TGIF1: variants seen among roughly 807,000 people sequenced by gnomAD.
TGIF1 encodes TGFB induced factor homeobox 1.
TGIF1 carries 4 observed loss-of-function variants against 19.3 expected under a neutral mutation model. The observed-to-expected ratio is 0.21, with a 90% CI of 0.10 to 0.47. The LOEUF (loss-of-function observed/expected upper bound fraction) is 0.47. Among genes scored for constraint, TGIF1 ranks in the 20% least tolerant of loss-of-function variants. TGIF1 has a pLI of 0.98. For missense variants in TGIF1, 275 were observed against 341.4 expected (o/e 0.81, Z 1.53); for synonymous variants, 122 against 129.3 (o/e 0.94, Z 0.38).
rs1417898706 is a variant in TGIF1, at chr18:3,451,354, G to C, written c.16+849G>C. Reference sequence around the variant, plus strand: ...AAACAAAATACACCGGAGGGGGACGGGGGGTGGAGAAACCACACAAAACAC... The same window carrying C: ...AAACAAAATACACCGGAGGGGGACGCGGGGTGGAGAAACCACACAAAACAC... On this transcript the variant is annotated intron_variant, in intron 1 of 2. Transcript: ENST00000343820. This position sits in a 1 kb window ranked among gnomAD's most constrained non-coding sequence, Gnocchi z 5.4. 1 of 984,944 alleles carries C rather than the reference G, an allele frequency of 1.0e-6. No homozygotes were observed. Among genetic ancestry groups the C allele is most frequent in the East Asian group, 1.1e-4 (1 of 8,810 alleles). The allele number at this position is 984,944 out of a possible 1,614,324, so 61.0% of individuals were successfully genotyped here. A position where few individuals can be genotyped will look rare whatever the true frequency, so the allele number is the denominator to read the frequency against.
intron 1 of TGIF1, among the ~76,000 whole-genome samples, chr18:3,412,676 A>T (rs1382153135): frequency 6.6e-6 from 1 of 152,150 alleles, no homozygotes; most frequent in Non-Finnish European, 1.5e-5. Flanking sequence ...GACCTGGCAC[A>T]GGCTGTGGTT....
In TGIF1 at chr18:3,457,416, A is replaced by G; in HGVS notation, c.295A>G (p.Arg99Gly). The G allele has an allele frequency of 6.2e-7, 1 of 1,614,238 alleles. No homozygotes were observed. The highest frequency in any genetic ancestry group is 8.5e-7 in the Non-Finnish European group (1 of 1,180,046). The change falls in exon 3 of 3, where the codon AGA (arginine) becomes GGA (glycine). Residue 99 changes from arginine (R) to glycine (G), a missense_variant. Transcript: ENST00000343820. The surrounding 1 kb of genome is among the most constrained non-coding windows in gnomAD (Gnocchi z 4.9). ...ARRRLLPDML[R>G]KDGKDPNQFT... is the part of the protein sequence containing the mutation. ...CCGCAGGCTCCTCCCTGACATGCTG[A>G]GAAAGGATGGCAAAGATCCAAATCA...
chr18:3,417,326 A>T (rs2082345819), intron 1 of TGIF1, among the ~76,000 whole-genome samples: 1 of 151,414 alleles, frequency 6.6e-6, no homozygotes, highest in Non-Finnish European at 1.5e-5. Flanking sequence ...CGTCCGGCTA[A>T]TTTTTGTATT....
intron 2 of TGIF1, among the ~76,000 whole-genome samples, chr18:3,424,378 C>T (rs546039902): frequency 1.6e-4 from 25 of 152,038 alleles, no homozygotes; most frequent in Non-Finnish European, 7.4e-5. Flanking sequence ...TACTGTAATC[C>T]ATGGGTGGGA....
chr18:3,421,634 A>G (rs889208403), intron 2 of TGIF1, among the ~76,000 whole-genome samples: 1 of 151,108 alleles, frequency 6.6e-6, no homozygotes, highest in African/African-American at 2.4e-5. Flanking sequence ...CTGATCTCGA[A>G]CTCCCGACCT....
intron 1 of TGIF1, 61 bp downstream of exon 1, chr18:3,450,566 G>GGCCGC (rs1159592798): frequency 9.0e-6 from 14 of 1,549,898 alleles, no homozygotes; most frequent in East Asian, 4.9e-5. Flanking sequence ...GTGCTGGCCG[G>GGCCGC]GCCGCGCCGC....
chr18:3,439,924 G>A lies in TGIF1; in HGVS notation c.-44-16430G>A, dbSNP rs189548604. Among the ~76,000 whole-genome samples, 304 of 151,930 alleles carry A rather than the reference G, an allele frequency of 2.0e-3. 1 individual carries two copies. The highest frequency in any genetic ancestry group is 6.8e-3 in the African/African-American group (280 of 41,454). ...TGGTCCCAGCTATTAGGGAGGCTGA[G>A]GTGAGAGAATCACCTGAGCCCAGGA... On this transcript the variant is annotated intron_variant, in intron 2 of 3. Transcript: ENST00000401449.
At position 3,457,854 on chromosome 18, in the gene TGIF1, C is replaced by G; in HGVS notation, c.733C>G (p.Gln245Glu). ...TPPPTPPDLN[Q>E]DFSGFQLLVD... ...TCCCCCTACTCCACCGGACCTCAACCAGGACTTCAGTGGATTTCAGCTTCT... is the reference window on the plus strand; with the variant it reads ...TCCCCCTACTCCACCGGACCTCAACGAGGACTTCAGTGGATTTCAGCTTCT... Residue 245 changes from glutamine (Q) to glutamate (E), a missense_variant, in exon 3 of 3, where the codon CAG (glutamine) becomes GAG (glutamate). Transcript: ENST00000343820. This position sits in a 1 kb window ranked among gnomAD's most constrained non-coding sequence, Gnocchi z 4.9. 6.2e-7 allele frequency: 1 copy of G among 1,609,054 alleles called. No individual in the cohort carries two copies. The highest frequency in any genetic ancestry group is 8.5e-7 in the Non-Finnish European group (1 of 1,179,996).
chr18:3,448,055 C>G (rs1300009766), upstream of TGIF1: 2 of 980,142 alleles, frequency 2.0e-6, no homozygotes, highest in African/African-American at 1.8e-5. Context: ...ATTTTTGTCT[C>G]GAGCTGGCTA....
intron 1 of TGIF1, among the ~76,000 whole-genome samples, chr18:3,413,303 C>T (rs534133351): frequency 2.0e-5 from 3 of 152,192 alleles, no homozygotes; most frequent in Admixed American, 2.0e-4. Context: ...TTGGCCCTGC[C>T]CTTGTACAAT....
intron 2 of TGIF1, among the ~76,000 whole-genome samples, chr18:3,422,023 G>A (rs1375766178): frequency 6.6e-6 from 1 of 151,722 alleles, no homozygotes; most frequent in African/African-American, 2.4e-5. Context: ...GTGAAACCCC[G>A]TCTCTACTAA....
upstream of TGIF1, chr18:3,449,469 G>C: frequency 1.0e-6 from 1 of 985,534 alleles, no homozygotes; most frequent in Non-Finnish European, 1.2e-6. Flanking sequence ...AAACTGCCTT[G>C]CAATCCAGTC....
rs2082309093 is a variant in TGIF1 at position 3,414,722 on chromosome 18, GA to G, written c.-118+2470del. On this transcript the variant is annotated intron_variant, in intron 1 of 3. Coordinates refer to the TGIF1 transcript ENST00000401449. ...AATATCTTTGAAAACAGAAAATAAGGAATTTCAAGAATTTTTTTTCATCAAA... is the reference window on the plus strand; with the variant it reads ...AATATCTTTGAAAACAGAAAATAAGGATTTCAAGAATTTTTTTTCATCAAA... 2.0e-5 allele frequency among the ~76,000 whole-genome samples: 3 copies of G among 152,078 alleles called. No individual in the cohort carries two copies. In the South Asian group the frequency reaches 6.2e-4, roughly 32 times the overall value.
chr18:3,418,874 A>G (rs2082365585), intron 2 of TGIF1: 1 of 152,258 alleles, frequency 6.6e-6, no homozygotes, highest in African/African-American at 2.4e-5. Flanking sequence ...CCTGGCCAAC[A>G]TGGTGAAAAA....
At chr18:3,426,840 T>C (rs1024533495) in intron 2 of TGIF1, among the ~76,000 whole-genome samples, 1 of 151,574 alleles carries the variant, frequency 6.6e-6, no homozygotes, top group Non-Finnish European at 1.5e-5. Flanking sequence ...ATGCCAAACA[T>C]GAGAAAGTAA....
intron 2 of TGIF1, among the ~76,000 whole-genome samples, chr18:3,424,756 C>A (rs1280905666): frequency 3.9e-5 from 6 of 152,176 alleles, no homozygotes; most frequent in Non-Finnish European, 5.9e-5. Context: ...AATGACCCCT[C>A]CATAAAACCC....
At chr18:3,452,382 G>A (rs770386806) in intron 1 of TGIF1, 1 of 1,613,276 alleles carries the variant, frequency 6.2e-7, no homozygotes, top group Admixed American at 1.7e-5. Context: ...AACAATGAAA[G>A]GTGACGGGCT....
chr18:3,426,184 T>TTTC (rs1174409727), intron 2 of TGIF1, among the ~76,000 whole-genome samples: 2 of 150,262 alleles, frequency 1.3e-5, no homozygotes, highest in African/African-American at 4.9e-5. Flanking sequence ...TTTTTTTTTT[T>TTTC]TTGAGACAGG....
Position 3,458,109 on chromosome 18 carries a change from A to T in TGIF1, c.*169A>T. On this transcript the variant is annotated 3_prime_UTR_variant, in exon 3 of 3. Coordinates refer to ENST00000343820, the MANE Select transcript of TGIF1 (RefSeq NM_003244.4). ...ATGGAATACAGTCATTCCAAGAACTATAAACTTAAAGCTACTGTAGAAACA... is the reference window on the plus strand; with the variant it reads ...ATGGAATACAGTCATTCCAAGAACTTTAAACTTAAAGCTACTGTAGAAACA... 1 of 635,242 alleles carries T rather than the reference A, an allele frequency of 1.6e-6. No individual in the cohort carries two copies. The highest frequency in any genetic ancestry group is 2.7e-6 in the Non-Finnish European group (1 of 371,494). The allele number at this position is 635,242 out of a possible 1,614,324, so 39.4% of individuals were successfully genotyped here. A position where few individuals can be genotyped will look rare whatever the true frequency, so the allele number is the denominator to read the frequency against.
Sources: allele counts gnomAD v4.1 joint callset (sites outside exome capture counted in the v4.1 genomes callset), GRCh38; gene constraint gnomAD v4.1.1; non-coding constraint Gnocchi (gnomAD v3.1); transcripts MANE v1.5; gene names NCBI Gene and HGNC (gene_info 2026-07-23, HGNC 2026-07-21).